Variants in NREP observed in about 807,000 individuals in gnomAD.
NREP encodes the protein neuronal regeneration-related protein.
Under a neutral mutation model 8.6 loss-of-function variants are expected in NREP, and 5 were observed. That is an observed-to-expected ratio of 0.58 (90% CI 0.30 to 1.22). The LOEUF (loss-of-function observed/expected upper bound fraction) is 1.22. Ranked by LOEUF, NREP falls within the 50% of genes most tolerant of loss-of-function variation. The probability of loss-of-function intolerance (pLI) is 0.07; values close to 1 mark genes in which losing one functional copy is unlikely to be tolerated. For missense variants in NREP, 86 were observed against 82.5 expected, an observed-to-expected ratio of 1.04 and a Z score of -0.17; for synonymous variants, 27 against 28.0, an observed-to-expected ratio of 0.96 and a Z score of 0.11.
chr5:111,936,092 T>C (rs780776090), intron 2 of NREP, among the ~76,000 whole-genome samples: 21 of 152,224 alleles, frequency 1.4e-4, no homozygotes, highest in Non-Finnish European at 2.2e-4. Context: ...CCTGTGTCTT[T>C]GTTTCTGTGT....
At chr5:111,871,434 G>A (rs925834592) in intron 2 of NREP, among the ~76,000 whole-genome samples, 6 of 152,252 alleles carry the variant, frequency 3.9e-5, no homozygotes, top group East Asian at 1.9e-4. Context: ...AGTGAGTGGC[G>A]AGTGAATGTG....
At chr5:111,790,272 A>G (rs1347579102) in intron 2 of NREP, among the ~76,000 whole-genome samples, 1 of 150,132 alleles carries the variant, frequency 6.7e-6, no homozygotes, top group East Asian at 2.0e-4. Context: ...AAGAACTCCC[A>G]TACCCTACTG....
At chr5:111,831,875 G>A (rs1345507682) in intron 2 of NREP, among the ~76,000 whole-genome samples, 1 of 152,160 alleles carries the variant, frequency 6.6e-6, no homozygotes, top group Non-Finnish European at 1.5e-5. Flanking sequence ...TATTTCTGGT[G>A]CCACTATCTG....
At chr5:111,855,362 T>C (rs1487409757) in intron 2 of NREP, among the ~76,000 whole-genome samples, 1 of 152,208 alleles carries the variant, frequency 6.6e-6, no homozygotes, top group Admixed American at 6.5e-5. Flanking sequence ...ATTAGCACAG[T>C]TGTCGGCACA....
At chr5:111,772,784 G>A (rs1380296831) in intron 2 of NREP, among the ~76,000 whole-genome samples, 3 of 152,132 alleles carry the variant, frequency 2.0e-5, no homozygotes, top group African/African-American at 7.2e-5. Flanking sequence ...TTTTCCTGAA[G>A]TGTATCTTTT....
intron 2 of NREP, among the ~76,000 whole-genome samples, chr5:111,867,133 C>T (rs543993428): frequency 1.3e-5 from 2 of 149,504 alleles, no homozygotes; most frequent in East Asian, 3.9e-4. Context: ...TACCCTAGAA[C>T]TTTAATTAAA....
At chr5:111,886,065 C>A (rs1258932115) in intron 2 of NREP, among the ~76,000 whole-genome samples, 1 of 152,096 alleles carries the variant, frequency 6.6e-6, no homozygotes, top group Non-Finnish European at 1.5e-5. Context: ...ATTTTCGCAA[C>A]CTACTCATCT....
intron 2 of NREP, among the ~76,000 whole-genome samples, chr5:111,764,567 GCCC>G (rs1177910201): frequency 6.6e-6 from 1 of 152,096 alleles, no homozygotes; most frequent in Admixed American, 6.6e-5. Flanking sequence ...GGAAATACTT[GCCC>G]CCATGATTAA....
intron 2 of NREP, among the ~76,000 whole-genome samples, chr5:111,752,612 A>G (rs527667961): frequency 6.6e-6 from 1 of 152,350 alleles, no homozygotes; most frequent in South Asian, 2.1e-4. Context: ...ATGCCACTTC[A>G]CAAACTATAC....
intron 2 of NREP, among the ~76,000 whole-genome samples, chr5:111,766,320 A>T (rs1359092973): frequency 6.6e-6 from 1 of 152,214 alleles, no homozygotes; most frequent in Non-Finnish European, 1.5e-5. Flanking sequence ...AAAAGTTGAT[A>T]TCAGGACAGT....
rs566987324 is a variant in NREP at position 111,806,092 on chromosome 5, A to AT, written c.136-70586dup. On this transcript the variant is annotated intron_variant, in intron 2 of 3. Coordinates refer to the NREP transcript ENST00000395634. ...AAAGGTATATAAGTGTTATTGTGTT[A>AT]TTCTTGCCTCTCTTCTGTGGGTTTG... 3.0e-4 allele frequency among the ~76,000 whole-genome samples: 45 copies of AT among 152,296 alleles called. No homozygotes were observed. The East Asian group carries it at 5.2e-3, about 18-fold the overall frequency.
chr5:111,729,129 C>T (rs577444744), downstream of NREP: 1 of 152,288 alleles, frequency 6.6e-6, no homozygotes, highest in African/African-American at 2.4e-5. Flanking sequence ...CCCCTAATCT[C>T]ATAAAATCCT....
chr5:111,849,925 A>G (rs1753268897), intron 2 of NREP, among the ~76,000 whole-genome samples: 1 of 152,176 alleles, frequency 6.6e-6, no homozygotes, highest in African/African-American at 2.4e-5. Flanking sequence ...ATGGAAGCCC[A>G]GTGCCAAGGA....
chr5:111,881,097 C>T (rs985914760), intron 2 of NREP, among the ~76,000 whole-genome samples: 3 of 151,898 alleles, frequency 2.0e-5, no homozygotes, highest in Non-Finnish European at 2.9e-5. Context: ...ACAGACGGCA[C>T]CTGGAAAATT....
chr5:111,828,724 T>C (rs923263216), intron 2 of NREP, among the ~76,000 whole-genome samples: 2 of 152,200 alleles, frequency 1.3e-5, no homozygotes, highest in South Asian at 4.1e-4. Context: ...TCTGAATTTT[T>C]AGCATGATAA....
chr5:111,837,943 T>C (rs1752935870), intron 2 of NREP, among the ~76,000 whole-genome samples: 1 of 152,056 alleles, frequency 6.6e-6, no homozygotes, highest in Admixed American at 6.6e-5. Flanking sequence ...GTGAAGTCTA[T>C]AACACCATCT....
At chr5:111,758,000 CTTTTATGTG>C, upstream of NREP, 1 of 985,578 alleles carries the variant, frequency 1.0e-6, no homozygotes, top group Non-Finnish European at 1.2e-6. Flanking sequence ...AGCCGCCTTC[CTTTTATGTG>C]CCTGTCCTGA....
At chr5:111,878,127 C>G (rs1196881595) in intron 2 of NREP, among the ~76,000 whole-genome samples, 2 of 152,138 alleles carry the variant, frequency 1.3e-5, no homozygotes, top group Non-Finnish European at 2.9e-5. Flanking sequence ...TTACCAATAC[C>G]CAAGAAGAAC....
intron 2 of NREP, among the ~76,000 whole-genome samples, chr5:111,959,984 A>G (rs555297529): frequency 1.3e-5 from 2 of 152,262 alleles, no homozygotes; most frequent in Non-Finnish European, 2.9e-5. Flanking sequence ...ATACTGGTCC[A>G]TGGACAGCTG....
Sources: allele counts gnomAD v4.1 joint callset (sites outside exome capture counted in the v4.1 genomes callset), GRCh38; gene constraint gnomAD v4.1.1; transcripts MANE v1.5; gene names NCBI Gene and HGNC (gene_info 2026-07-23, HGNC 2026-07-21).